The following MYO1B variants were observed in gnomAD, a reference collection of about 807,000 sequenced individuals.
The protein encoded by MYO1B is unconventional myosin-Ib.
A neutral mutation model predicts 159.7 loss-of-function variants in MYO1B; 72 were observed. The ratio of observed to expected loss-of-function variants is 0.45; its 90% CI spans 0.37 to 0.55. The LOEUF is 0.55. Among genes scored for constraint, MYO1B ranks in the 20% least tolerant of loss-of-function variants. MYO1B has a pLI of 0.00. For missense variants in MYO1B, 1,062 were observed against 1,364.8 expected (o/e 0.78, Z 3.50); for synonymous variants, 468 against 473.8 (o/e 0.99, Z 0.16).
At chr2:191,391,718 G>A (rs1695763947) in intron 18 of MYO1B, among the ~76,000 whole-genome samples, 1 of 152,062 alleles carries the variant, frequency 6.6e-6, no homozygotes, top group Non-Finnish European at 1.5e-5. Context: ...TATTCTCAGG[G>A]GCAGAAACAA....
chr2:191,275,708 C>T (rs867344422), intron 1 of MYO1B, among the ~76,000 whole-genome samples: 1 of 152,194 alleles, frequency 6.6e-6, no homozygotes, highest in Non-Finnish European at 1.5e-5. Context: ...TATTAGTATT[C>T]TGAAGTGTGA....
At chr2:191,414,474 A>G (rs768477729) in intron 28 of MYO1B, 43 bp from the exon 29 acceptor site, 1 of 1,537,482 alleles carries the variant, frequency 6.5e-7, no homozygotes, top group East Asian at 2.3e-5. Context: ...ATTTTTGAGT[A>G]TTTGTGATCA....
At position 191,400,855 on chromosome 2, in the gene MYO1B, C is replaced by T; in HGVS notation, c.2469+20C>T. 6.2e-7 allele frequency: 1 copy of T among 1,606,876 alleles called. No individual in the cohort carries two copies. Among genetic ancestry groups the T allele is most frequent in the Non-Finnish European group, 8.5e-7 (1 of 1,174,150 alleles). On this transcript the variant is annotated intron_variant, in intron 23 of 30. Transcript: ENST00000392318. ...TCTAAGGTACTTGATGCACATATCC[C>T]AACACTCCATCCTGGAATTCTGCAA...
chr2:191,300,374 C>T (rs977571969), intron 3 of MYO1B, among the ~76,000 whole-genome samples: 14 of 149,700 alleles, frequency 9.4e-5, no homozygotes, highest in Non-Finnish European at 1.5e-4. Flanking sequence ...GAGTCTCGCT[C>T]GCTCTGTCGC....
intron 4 of MYO1B, among the ~76,000 whole-genome samples, chr2:191,338,295 T>G (rs867728694): frequency 6.6e-5 from 10 of 152,344 alleles, no homozygotes; most frequent in Middle Eastern, 6.8e-3. Context: ...TTTTAACAAC[T>G]TGGAAATAAA....
At chr2:191,305,706 C>T (rs1689611562) in intron 3 of MYO1B, among the ~76,000 whole-genome samples, 1 of 152,110 alleles carries the variant, frequency 6.6e-6, no homozygotes, top group Non-Finnish European at 1.5e-5. Flanking sequence ...CCCTGGGTAG[C>T]CCTGGTGATT....
At chr2:191,387,476 C>T (rs1300671891) in intron 17 of MYO1B, 26 bp downstream of exon 17, 1 of 1,596,490 alleles carries the variant, frequency 6.3e-7, no homozygotes, top group Non-Finnish European at 8.6e-7. Flanking sequence ...GAAACTTTCA[C>T]AGTTCAAATG....
chr2:191,324,476 T>C (rs1690926269), intron 3 of MYO1B, among the ~76,000 whole-genome samples: 1 of 152,194 alleles, frequency 6.6e-6, no homozygotes. Context: ...GAGTTAACAT[T>C]GTCCCACTTT....
At chr2:191,351,171 A>G (rs1692896011) in intron 7 of MYO1B, among the ~76,000 whole-genome samples, 2 of 147,874 alleles carry the variant, frequency 1.4e-5, no homozygotes, top group African/African-American at 5.0e-5. Flanking sequence ...TAGAATGAAA[A>G]AATTTATGTT....
intron 30 of MYO1B, among the ~76,000 whole-genome samples, chr2:191,421,516 A>G (rs1362130211): frequency 6.6e-6 from 1 of 152,050 alleles, no homozygotes; most frequent in Admixed American, 6.6e-5. Context: ...TCTGTCACCC[A>G]GGTCAGAGTC....
At chr2:191,409,555 C>T (rs561317861) in intron 26 of MYO1B, among the ~76,000 whole-genome samples, 1 of 152,290 alleles carries the variant, frequency 6.6e-6, no homozygotes, top group Admixed American at 6.5e-5. Flanking sequence ...ATAGTTAAAT[C>T]CTGCAAATTG....
chr2:191,418,954 A>G (rs73980710), intron 30 of MYO1B, among the ~76,000 whole-genome samples: 2,408 of 152,354 alleles, frequency 0.016, 64 homozygotes, highest in African/African-American at 0.055. Context: ...TATGCACCAC[A>G]TAATGACATT....
At chr2:191,361,528 A>G (rs1427116011) in intron 8 of MYO1B, among the ~76,000 whole-genome samples, 1 of 151,736 alleles carries the variant, frequency 6.6e-6, no homozygotes, top group African/African-American at 2.4e-5. Flanking sequence ...AGTCATCTTC[A>G]CTAATAATCA....
intron 13 of MYO1B, chr2:191,377,939 A>T (rs1181536130): frequency 6.6e-6 from 1 of 151,878 alleles, no homozygotes; most frequent in Non-Finnish European, 1.5e-5. Flanking sequence ...ATAGATGCTG[A>T]TTTCTGTGGG....
At chr2:191,315,206 C>T (rs1690275099) in intron 3 of MYO1B, among the ~76,000 whole-genome samples, 1 of 151,824 alleles carries the variant, frequency 6.6e-6, no homozygotes, top group Non-Finnish European at 1.5e-5. Flanking sequence ...CATCCATCTT[C>T]CCATCCATCT....
chr2:191,423,002 TCTGTGTA>T (rs1698038918), intron 30 of MYO1B, among the ~76,000 whole-genome samples: 1 of 152,240 alleles, frequency 6.6e-6, no homozygotes. Context: ...TTGATACAAT[TCTGTGTA>T]AGAAGTGCTC....
intron 24 of MYO1B, 66 bp downstream of exon 24, chr2:191,402,784 G>T: frequency 8.1e-7 from 1 of 1,231,982 alleles, no homozygotes; most frequent in African/African-American, 1.5e-5. Context: ...TACTAACCCT[G>T]AGAAAATGAT....
chr2:191,255,493 G>A (rs1027073267), intron 1 of MYO1B, among the ~76,000 whole-genome samples: 8 of 152,152 alleles, frequency 5.3e-5, no homozygotes, highest in African/African-American at 1.7e-4. Flanking sequence ...GAATGAGGAG[G>A]ATGGAAGAAC....
chr2:191,397,128 C>CTTTTTTTTTTTTTT (rs796198342), intron 21 of MYO1B, among the ~76,000 whole-genome samples: 4 of 32,248 alleles, frequency 1.2e-4, no homozygotes, highest in African/African-American at 2.7e-4. Flanking sequence ...AAGATGATTT[C>CTTTTTTTTTTTTTT]TTTTTTTTTT....
Sources: allele counts gnomAD v4.1 joint callset (sites outside exome capture counted in the v4.1 genomes callset), GRCh38; gene constraint gnomAD v4.1.1; transcripts MANE v1.5; gene names NCBI Gene and HGNC (gene_info 2026-07-23, HGNC 2026-07-21).